Variants in OSGIN2 observed in about 807,000 individuals in gnomAD.
OSGIN2 encodes the protein oxidative stress-induced growth inhibitor 2.
A neutral mutation model predicts 53.8 loss-of-function variants in OSGIN2; 19 were observed. The observed-to-expected ratio is 0.35, with a 90% CI of 0.25 to 0.52. The LOEUF (loss-of-function observed/expected upper bound fraction) is 0.52, where lower values mean the gene tolerates loss of function less well. Ranked by LOEUF, OSGIN2 falls within the 20% of genes least tolerant of loss-of-function variation. OSGIN2 has a pLI of 0.95. For missense variants in OSGIN2, 520 were observed against 662.7 expected (o/e 0.78, Z 2.36); for synonymous variants, 236 against 236.0 (o/e 1.00, Z 0.00).
chr8:89,927,818 A>G lies in OSGIN2; in HGVS notation c.*2286A>G, dbSNP rs1045608220. 1 of 152,234 alleles carries G rather than the reference A, an allele frequency of 6.6e-6. No individual in the cohort carries two copies. Among genetic ancestry groups the G allele is most frequent in the African/African-American group, 2.4e-5 (1 of 41,466 alleles). 9.4% of individuals were successfully genotyped at this position (152,234 alleles called of 1,614,324 possible). A position where few individuals can be genotyped will look rare whatever the true frequency, so the allele number is the denominator to read the frequency against. On this transcript the variant is annotated 3_prime_UTR_variant, in exon 6 of 6. Transcript: ENST00000451899. ...GTGGCATCAAATTTTAGTTGATTGT[A>G]TTAGTCAATAGGAAGTGGTGGAAAA...
In OSGIN2 at chr8:89,902,835, C is replaced by T. The variant is rs1585994682; in HGVS notation, c.42C>T (p.Phe14=). The change falls in exon 1 of 6, where the codon TTC becomes TTT. Residue 14 remains phenylalanine (F), a splice_region_variant and synonymous_variant. Coordinates refer to ENST00000451899, the MANE Select transcript of OSGIN2 (RefSeq NM_001126111.3). ...GCCGCTGCTCCCTGGCCGGTCATTT[C>T]AGGTGACTTCCTCGCCGGGGATGGG... ...WCCRCSLAGH[F]RNYSDTETEG... is the part of the protein sequence containing the mutation. 7.2e-7 allele frequency: 1 copy of T among 1,379,812 alleles called. No homozygotes were observed. The highest frequency in any genetic ancestry group is 9.6e-7 in the Non-Finnish European group (1 of 1,046,824). The allele number at this position is 1,379,812 out of a possible 1,614,324, so 85.5% of individuals were successfully genotyped here. A position where few individuals can be genotyped will look rare whatever the true frequency, so the allele number is the denominator to read the frequency against.
At chr8:89,910,036 A>G (rs139719831) in intron 2 of OSGIN2, among the ~76,000 whole-genome samples, 374 of 152,312 alleles carry the variant, frequency 2.5e-3, no homozygotes, top group African/African-American at 7.8e-3. Flanking sequence ...AGAGTATTCT[A>G]TGTATATTAT....
At chr8:89,922,190 G>T (rs1430219018) in intron 5 of OSGIN2, among the ~76,000 whole-genome samples, 1 of 152,118 alleles carries the variant, frequency 6.6e-6, no homozygotes, top group Non-Finnish European at 1.5e-5. Context: ...TTAGAACAGG[G>T]ATGTAACATT....
intron 3 of OSGIN2, 96 bp downstream of exon 3, chr8:89,914,309 C>T: frequency 1.3e-6 from 1 of 799,478 alleles, no homozygotes; most frequent in Non-Finnish European, 2.0e-6. Context: ...ACCCCTTATT[C>T]TAAATAACAC....
intron 2 of OSGIN2, among the ~76,000 whole-genome samples, chr8:89,911,235 G>T (rs536798954): frequency 1.3e-5 from 2 of 152,242 alleles, no homozygotes; most frequent in East Asian, 1.9e-4. Context: ...ATTAGATTGG[G>T]TCTACCTGGG....
chr8:89,912,826 G>C (rs1286846132), intron 2 of OSGIN2, among the ~76,000 whole-genome samples: 2 of 152,010 alleles, frequency 1.3e-5, no homozygotes, highest in Admixed American at 6.5e-5. Flanking sequence ...AGGATAGTTG[G>C]GTGAACAGGG....
chr8:89,906,930 C>T (rs945249398), intron 1 of OSGIN2, among the ~76,000 whole-genome samples: 2 of 152,124 alleles, frequency 1.3e-5, no homozygotes, highest in African/African-American at 4.8e-5. Flanking sequence ...ACCTTGTCAG[C>T]ATTTGTTATT....
chr8:89,910,076 C>A (rs1427594459), intron 2 of OSGIN2, among the ~76,000 whole-genome samples: 1 of 150,180 alleles, frequency 6.7e-6, no homozygotes, highest in Non-Finnish European at 1.5e-5. Flanking sequence ...CTGCAGACTT[C>A]TGATGTTGGT....
chr8:89,918,853 A>T (rs901303411), intron 4 of OSGIN2, among the ~76,000 whole-genome samples: 2 of 152,120 alleles, frequency 1.3e-5, no homozygotes, highest in African/African-American at 4.8e-5. Flanking sequence ...TTTTTCATTT[A>T]TGATATTTTG....
rs538598812 is a variant in OSGIN2 at position 89,926,219 on chromosome 8, C to G, written c.*687C>G. On this transcript the variant is annotated 3_prime_UTR_variant, in exon 6 of 6. Coordinates refer to ENST00000451899, the MANE Select transcript of OSGIN2 (RefSeq NM_001126111.3). Reference sequence around the variant, plus strand: ...AGGGTCTTTTAAAAAATATTTTTATCGTTGAAACCTTGACAGGTACTTCAT... The same window carrying G: ...AGGGTCTTTTAAAAAATATTTTTATGGTTGAAACCTTGACAGGTACTTCAT... 6.6e-6 allele frequency: 1 copy of G among 152,226 alleles called. No homozygotes were observed. The highest frequency in any genetic ancestry group is 2.4e-5 in the African/African-American group (1 of 41,386). 9.4% of individuals were successfully genotyped at this position (152,226 alleles called of 1,614,324 possible). A position where few individuals can be genotyped will look rare whatever the true frequency, so the allele number is the denominator to read the frequency against.
chr8:89,920,666 A>G (rs1219681137), intron 4 of OSGIN2, among the ~76,000 whole-genome samples: 1 of 152,228 alleles, frequency 6.6e-6, no homozygotes, highest in Non-Finnish European at 1.5e-5. Flanking sequence ...TAATATTAAA[A>G]TGGAAAGCCA....
At chr8:89,911,898 A>G (rs1162802429) in intron 2 of OSGIN2, among the ~76,000 whole-genome samples, 1 of 151,982 alleles carries the variant, frequency 6.6e-6, no homozygotes, top group Non-Finnish European at 1.5e-5. Flanking sequence ...AGATCGCACC[A>G]CTGTACTCCA....
At chr8:89,906,088 TTTTC>T (rs1808833530) in intron 1 of OSGIN2, among the ~76,000 whole-genome samples, 1 of 152,208 alleles carries the variant, frequency 6.6e-6, no homozygotes, top group Admixed American at 6.5e-5. Flanking sequence ...ATATTCTGTT[TTTTC>T]TTTTAAGTAC....
chr8:89,919,358 C>T (rs1809149530), intron 4 of OSGIN2, among the ~76,000 whole-genome samples: 1 of 152,178 alleles, frequency 6.6e-6, no homozygotes, highest in African/African-American at 2.4e-5. Flanking sequence ...TTCTAGATAT[C>T]CACTCCTAGT....
At position 89,925,708 on chromosome 8, in the gene OSGIN2, G is replaced by A; in HGVS notation, c.*176G>A. 4 of 522,970 alleles carry A rather than the reference G, an allele frequency of 7.6e-6. No individual in the cohort carries two copies. The highest frequency in any genetic ancestry group is 5.0e-4 in the Middle Eastern group (1 of 2,004). The allele number at this position is 522,970 out of a possible 1,614,324, so 32.4% of individuals were successfully genotyped here. A position where few individuals can be genotyped will look rare whatever the true frequency, so the allele number is the denominator to read the frequency against. On this transcript the variant is annotated 3_prime_UTR_variant, in exon 6 of 6. Coordinates refer to ENST00000451899, the MANE Select transcript of OSGIN2 (RefSeq NM_001126111.3). ...TTGGTATCCTGATTTATATTGCAGT[G>A]TTTCAAAGGTGTCACTGTCAGACAA...
intron 1 of OSGIN2, among the ~76,000 whole-genome samples, chr8:89,906,473 CTGTGTGTCCA>C (rs1808841131): frequency 6.6e-6 from 1 of 152,042 alleles, no homozygotes. Context: ...TTGTTCCCCT[CTGTGTGTCCA>C]TGTGTTCTCC....
At chr8:89,920,410 G>A (rs569985229) in intron 4 of OSGIN2, among the ~76,000 whole-genome samples, 1 of 152,302 alleles carries the variant, frequency 6.6e-6, no homozygotes, top group African/African-American at 2.4e-5. Context: ...GATCATAGAG[G>A]TCATAGGTAT....
chr8:89,918,827 A>G (rs2130707731), intron 4 of OSGIN2, among the ~76,000 whole-genome samples: 1 of 152,228 alleles, frequency 6.6e-6, no homozygotes, highest in East Asian at 1.9e-4. Context: ...TCCCATTTCA[A>G]ATTAATCACC....
rs980214789 is a variant in OSGIN2, at chr8:89,925,878, G to T, written c.*346G>T. 17 of 198,938 alleles carry T rather than the reference G, an allele frequency of 8.5e-5. No homozygotes were observed. The highest frequency in any genetic ancestry group is 1.8e-4 in the Non-Finnish European group (17 of 95,646). The allele number at this position is 198,938 out of a possible 1,614,324, so 12.3% of individuals were successfully genotyped here. On this transcript the variant is annotated 3_prime_UTR_variant, in exon 6 of 6. Transcript: ENST00000451899. ...TACAGCCTTGAATCTATAAAACTGTGCAGTCATTATGCCAGAAATTATCTT... is the reference window on the plus strand; with the variant it reads ...TACAGCCTTGAATCTATAAAACTGTTCAGTCATTATGCCAGAAATTATCTT...
Sources: allele counts gnomAD v4.1 joint callset (sites outside exome capture counted in the v4.1 genomes callset), GRCh38; gene constraint gnomAD v4.1.1; transcripts MANE v1.5; gene names NCBI Gene and HGNC (gene_info 2026-07-23, HGNC 2026-07-21).